The following SLC24A2 variants were observed in gnomAD, a reference collection of about 807,000 sequenced individuals.
SLC24A2 encodes the protein solute carrier family 24 member 2, also known as sodium/potassium/calcium exchanger 2.
A neutral mutation model predicts 62.0 loss-of-function variants in SLC24A2; 36 were observed. The ratio of observed to expected loss-of-function variants is 0.58; its 90% CI spans 0.44 to 0.77. SLC24A2 has a LOEUF of 0.77. Among genes scored for constraint, SLC24A2 ranks in the 30% least tolerant of loss-of-function variants. The pLI is 0.00. For synonymous variants in SLC24A2, 358 were observed against 294.0 expected (o/e 1.22, Z -2.23); for missense variants, 846 against 817.9 (o/e 1.03, Z -0.42).
the SLC24A2 span, among the ~76,000 whole-genome samples, chr9:20,146,917 C>T: frequency 6.6e-6 from 1 of 152,098 alleles, no homozygotes; most frequent in Non-Finnish European, 1.5e-5. Context: ...ACTAGTCAGG[C>T]TCTTATGTAC....
the SLC24A2 span, among the ~76,000 whole-genome samples, chr9:20,223,135 A>G: frequency 6.6e-6 from 1 of 152,130 alleles, no homozygotes; most frequent in Non-Finnish European, 1.5e-5. Context: ...ACAAAAAAAG[A>G]TGCCACTCTA....
chr9:20,258,812 C>CT, the SLC24A2 span, among the ~76,000 whole-genome samples: 8,783 of 139,144 alleles, frequency 0.063, 536 homozygotes, highest in East Asian at 0.32. Context: ...ATCTATCTAT[C>CT]TACCTTATCT....
chr9:19,985,525 A>G, the SLC24A2 span, among the ~76,000 whole-genome samples: 1 of 152,152 alleles, frequency 6.6e-6, no homozygotes, highest in East Asian at 1.9e-4. Flanking sequence ...TTCTAGAAAA[A>G]ACAAAGCTAT....
chr9:19,907,381 G>A, the SLC24A2 span, among the ~76,000 whole-genome samples: 297 of 152,256 alleles, frequency 2.0e-3, no homozygotes, highest in Middle Eastern at 0.01. Context: ...TACTGAATGG[G>A]CAAAAACTGG....
chr9:19,647,480 G>A (rs1334432176), intron 2 of SLC24A2, among the ~76,000 whole-genome samples: 1 of 152,224 alleles, frequency 6.6e-6, no homozygotes, highest in East Asian at 1.9e-4. Context: ...ATGTTTTCAT[G>A]TGGCAGGTGT....
chr9:20,144,625 T>G, the SLC24A2 span, among the ~76,000 whole-genome samples: 1 of 152,156 alleles, frequency 6.6e-6, no homozygotes, highest in Non-Finnish European at 1.5e-5. Context: ...CAGAGGGTAG[T>G]GGGTGCAGGC....
At chr9:20,095,716 G>A in the SLC24A2 span, among the ~76,000 whole-genome samples, 32 of 151,548 alleles carry the variant, frequency 2.1e-4, no homozygotes, top group African/African-American at 6.3e-4. Flanking sequence ...GTATTAGTTC[G>A]TTTTCATGCT....
the SLC24A2 span, among the ~76,000 whole-genome samples, chr9:19,885,208 T>C: frequency 6.6e-6 from 1 of 152,228 alleles, no homozygotes; most frequent in Non-Finnish European, 1.5e-5. Flanking sequence ...TTAACTGTCA[T>C]GCCCTTCCTG....
chr9:19,831,291 G>T, the SLC24A2 span, among the ~76,000 whole-genome samples: 1 of 152,164 alleles, frequency 6.6e-6, no homozygotes, highest in South Asian at 2.1e-4. Flanking sequence ...GCTGCCAGGG[G>T]AGAGTGCCCA....
the SLC24A2 span, among the ~76,000 whole-genome samples, chr9:20,093,797 T>C: frequency 6.6e-6 from 1 of 152,132 alleles, no homozygotes; most frequent in South Asian, 2.1e-4. Flanking sequence ...TAACTGTAAA[T>C]TTTAAAATCA....
chr9:20,223,541 GA>G, the SLC24A2 span, among the ~76,000 whole-genome samples: 7 of 152,156 alleles, frequency 4.6e-5, no homozygotes, highest in African/African-American at 1.7e-4. Flanking sequence ...AGATCTTGAA[GA>G]ACAAAATGAA....
At chr9:19,541,409 A>T in intron 8 of SLC24A2, among the ~76,000 whole-genome samples, 1 of 151,082 alleles carries the variant, frequency 6.6e-6, no homozygotes, top group Non-Finnish European at 1.5e-5. Context: ...TCTGGTCGTT[A>T]GTTTTCCTTC....
intron 4 of SLC24A2, among the ~76,000 whole-genome samples, chr9:19,611,104 C>T (rs1281106191): frequency 6.6e-6 from 1 of 152,140 alleles, no homozygotes; most frequent in Non-Finnish European, 1.5e-5. Context: ...TGAGTAAGGC[C>T]TCTGATCAGG....
the SLC24A2 span, among the ~76,000 whole-genome samples, chr9:19,934,790 C>CGAGCG: frequency 6.6e-6 from 1 of 152,112 alleles, no homozygotes; most frequent in Non-Finnish European, 1.5e-5. The surrounding 1 kb of genome is among the most constrained non-coding windows in gnomAD (Gnocchi z 4.1). Context: ...AGTAACGAAC[C>CGAGCG]GAGCGGGGCG....
At chr9:19,857,474 T>G in the SLC24A2 span, among the ~76,000 whole-genome samples, 1 of 152,232 alleles carries the variant, frequency 6.6e-6, no homozygotes, top group African/African-American at 2.4e-5. Flanking sequence ...CACAACAATA[T>G]TCAGTCTTCC....
the SLC24A2 span, among the ~76,000 whole-genome samples, chr9:19,830,967 A>C: frequency 6.6e-6 from 1 of 152,146 alleles, no homozygotes; most frequent in Admixed American, 6.5e-5. Context: ...CTCTGCTTCC[A>C]AGAGGGTGCA....
the SLC24A2 span, chr9:19,968,024 G>T: frequency 6.6e-6 from 1 of 152,134 alleles, no homozygotes; most frequent in Non-Finnish European, 1.5e-5. Context: ...CTTTCCCAGA[G>T]GTATGGCATT....
chr9:19,857,391 C>T, the SLC24A2 span, among the ~76,000 whole-genome samples: 1 of 152,136 alleles, frequency 6.6e-6, no homozygotes, highest in Non-Finnish European at 1.5e-5. Context: ...TTATTTTTAT[C>T]ATGTTAAGTA....
At chr9:20,300,855 G>C in the SLC24A2 span, among the ~76,000 whole-genome samples, 3 of 152,184 alleles carry the variant, frequency 2.0e-5, no homozygotes, top group Non-Finnish European at 4.4e-5. Context: ...ATAATATAAA[G>C]TGCTGGAATG....
Sources: gnomAD v4.1 joint callset for allele counts (sites outside exome capture counted in the v4.1 genomes callset) on GRCh38, gnomAD v4.1.1 for gene constraint, Gnocchi (gnomAD v3.1) non-coding constraint, MANE v1.5 for transcripts, NCBI Gene and HGNC (gene_info 2026-07-23, HGNC 2026-07-21) for gene names.